The following FBXO44 variants were observed in gnomAD, a reference collection of about 807,000 sequenced individuals.
FBXO44 encodes F-box only protein 44.
A neutral mutation model predicts 33.5 loss-of-function variants in FBXO44; 25 were observed. The ratio of observed to expected loss-of-function variants is 0.75; its 90% CI spans 0.54 to 1.04. FBXO44 has a LOEUF of 1.04. FBXO44 is among the 50% of genes least tolerant of loss of function. FBXO44 has a pLI of 0.00. For synonymous variants in FBXO44, 147 were observed against 152.8 expected (o/e 0.96, Z 0.28); for missense variants, 311 against 344.0 (o/e 0.90, Z 0.76).
At chr1:11,660,806 G>A (rs762108337) in intron 5 of FBXO44, among the ~76,000 whole-genome samples, 2 of 151,960 alleles carry the variant, frequency 1.3e-5, no homozygotes, top group African/African-American at 2.4e-5. Context: ...GTTTTTTAGA[G>A]ACACGGTCTC....
intron 2 of FBXO44, 66 bp downstream of exon 2, chr1:11,656,166 G>C: frequency 1.3e-6 from 2 of 1,578,494 alleles, no homozygotes; most frequent in South Asian, 1.2e-5. Context: ...CATGTATTGA[G>C]CACTTAGTAT....
At position 11,661,263 on chromosome 1, in the gene FBXO44, C is replaced by T. The variant is rs146135478; in HGVS notation, c.758C>T (p.Pro253Leu). ...AACAGCAGCATCACCATCGGGCCCC[C>T]GCTGCCCTGACACCCCCTGAGCCCC... ...VTNSSITIGP[P>L]LP Residue 253 changes from proline (P) to leucine (L), a missense_variant, in exon 6 of 6, where the codon CCG (proline) becomes CTG (leucine). Physicochemically the swap from Pro to Leu is moderately conservative, Grantham distance 98. Coordinates refer to ENST00000251547, the MANE Select transcript of FBXO44 (RefSeq NM_033182.7). This position sits in a 1 kb window ranked among gnomAD's most constrained non-coding sequence, Gnocchi z 4.4. The T allele has an allele frequency of 4.5e-5, 73 of 1,614,118 alleles. No individual in the cohort carries two copies. In the African/African-American group the frequency reaches 8.0e-4, roughly 18 times the overall value.
At chr1:11,656,339 G>A (rs558270182) in intron 2 of FBXO44, among the ~76,000 whole-genome samples, 50 of 137,546 alleles carry the variant, frequency 3.6e-4, no homozygotes, top group African/African-American at 1.1e-3. Flanking sequence ...TTTTTGAGAC[G>A]GAGTTTCACT....
At chr1:11,658,082 C>T (rs1294244771) in intron 2 of FBXO44, among the ~76,000 whole-genome samples, 185 bp from the exon 3 acceptor site, 1 of 152,182 alleles carries the variant, frequency 6.6e-6, no homozygotes, top group Non-Finnish European at 1.5e-5. Context: ...GGGAAGTCAC[C>T]TCCCTGTGCC....
At position 11,656,014 on chromosome 1, in the gene FBXO44, A is replaced by T. The variant is rs1639761959; in HGVS notation, c.179A>T (p.Asp60Val). The T allele has an allele frequency of 6.2e-7, 1 of 1,614,174 alleles. No homozygotes were observed. The highest frequency in any genetic ancestry group is 8.5e-7 in the Non-Finnish European group (1 of 1,180,032). Residue 60 changes from aspartate (D) to valine (V), a missense_variant, in exon 2 of 6, where the codon GAC becomes GTC. Physicochemically the swap from Asp to Val is radical, Grantham distance 152. Transcript: ENST00000251547. ...KCLREGFITE[D>V]WDQPVADWKI... ...CTGCGAGAGGGCTTCATCACTGAGG[A>T]CTGGGACCAGCCCGTGGCCGACTGG...
chr1:11,657,561 G>A (rs148232721), intron 2 of FBXO44, among the ~76,000 whole-genome samples: 3,929 of 151,684 alleles, frequency 0.026, 169 homozygotes, highest in African/African-American at 0.089. Context: ...CCAACATGGC[G>A]AAACACCATC....
At chr1:11,656,649 G>A (rs1179643806) in intron 2 of FBXO44, among the ~76,000 whole-genome samples, 1 of 152,064 alleles carries the variant, frequency 6.6e-6, no homozygotes, top group Non-Finnish European at 1.5e-5. Context: ...TTTTAATAGA[G>A]ACACAGTTTC....
intron 5 of FBXO44, among the ~76,000 whole-genome samples, chr1:11,659,395 A>G (rs1165554467): frequency 6.6e-6 from 1 of 152,202 alleles, no homozygotes; most frequent in Non-Finnish European, 1.5e-5. Flanking sequence ...AAAAGAAAAG[A>G]AAAGAAAAAA....
At chr1:11,654,836 G>GGGGCGCA (rs1475816781), upstream of FBXO44, 1 of 148,132 alleles carries the variant, frequency 6.8e-6, no homozygotes, top group African/African-American at 2.5e-5. Context: ...GGCGGGGCGC[G>GGGGCGCA]GGGCGCGGGG....
At chr1:11,655,587 G>T (rs1002378695) in intron 1 of FBXO44, 10 of 555,670 alleles carry the variant, frequency 1.8e-5, no homozygotes, top group Non-Finnish European at 3.2e-5. Flanking sequence ...TTGACCTTGG[G>T]CAGTGCCTTC....
chr1:11,657,905 A>G (rs1480261355), intron 2 of FBXO44, among the ~76,000 whole-genome samples: 2 of 152,200 alleles, frequency 1.3e-5, no homozygotes, highest in African/African-American at 4.8e-5. Flanking sequence ...TCCAGTTTAC[A>G]GAGGAGACGA....
At chr1:11,654,451 C>T (rs1639627232), upstream of FBXO44, 3 of 1,155,782 alleles carry the variant, frequency 2.6e-6, no homozygotes, top group Non-Finnish European at 3.3e-6. Flanking sequence ...GGCGACCGCG[C>T]CTCTTAAAGG....
At chr1:11,654,833 C>CGCGGGGA (rs1256958701), upstream of FBXO44, 9 of 146,442 alleles carry the variant, frequency 6.1e-5, no homozygotes, top group Non-Finnish European at 1.4e-4. Flanking sequence ...CGGGGCGGGG[C>CGCGGGGA]GCGGGGCGCG....
chr1:11,658,201 G>C, intron 2 of FBXO44, 66 bp from the exon 3 acceptor site: 1 of 1,604,758 alleles, frequency 6.2e-7, no homozygotes, highest in East Asian at 2.2e-5. Flanking sequence ...TGGGGAGGAA[G>C]GGGCATTTGG....
Position 11,662,826 on chromosome 1 carries a change from C to A in FBXO44, c.*1553C>A, listed in dbSNP as rs1351893657. 6.6e-6 allele frequency: 1 copy of A among 152,220 alleles called. No individual in the cohort carries two copies. Among genetic ancestry groups the A allele is most frequent in the Non-Finnish European group, 1.5e-5 (1 of 68,066 alleles). The allele number at this position is 152,220 out of a possible 1,614,324, so 9.4% of individuals were successfully genotyped here. A position where few individuals can be genotyped will look rare whatever the true frequency, so the allele number is the denominator to read the frequency against. The stretch of plus-strand genomic sequence containing the variant: ...CTGTTCTCATGATAGTGAGTGAGTT[C>A]TCACGAGATCTGATGGTTTTACAAG... On this transcript the variant is annotated 3_prime_UTR_variant, in exon 6 of 6. Transcript: ENST00000251547.
chr1:11,660,876 C>T (rs1640136586), intron 5 of FBXO44, among the ~76,000 whole-genome samples: 1 of 152,140 alleles, frequency 6.6e-6, no homozygotes, highest in Non-Finnish European at 1.5e-5. Context: ...GTCTTGAACT[C>T]CTACTTTAGC....
chr1:11,656,619 G>C (rs973309947), intron 2 of FBXO44, among the ~76,000 whole-genome samples: 2 of 151,664 alleles, frequency 1.3e-5, no homozygotes, highest in Admixed American at 1.3e-4. Flanking sequence ...CCGCCACCAC[G>C]CCCAGCTAAT....
chr1:11,657,590 C>T (rs1201211862), intron 2 of FBXO44, among the ~76,000 whole-genome samples: 2 of 151,984 alleles, frequency 1.3e-5, no homozygotes, highest in East Asian at 3.9e-4. Context: ...AAAATACAAA[C>T]ATTAACCAGG....
rs1639970844 is a variant in FBXO44 at position 11,658,596 on chromosome 1, TAC to T, written c.457_458del (p.Thr153HisfsTer114). 1 of 1,613,190 alleles carries T rather than the reference TAC, an allele frequency of 6.2e-7. No homozygotes were observed. The highest frequency in any genetic ancestry group is 2.2e-5 in the East Asian group (1 of 44,798). ...AAGGGTATTGGGAGGAGCTGATGGA[TAC>T]CACACGGCCGGACATCGAGGTCAAG... ...AEGYWEELMDTTRPDIEVKDW... is the reference protein window; with the variant it reads ...AEGYWEELMDXTRPDIEVKDW... On this transcript the variant is annotated frameshift_variant, in exon 4 of 6. Transcript: ENST00000251547. LOFTEE classifies it high-confidence loss of function.
Sources: allele counts gnomAD v4.1 joint callset (sites outside exome capture counted in the v4.1 genomes callset), GRCh38; gene constraint gnomAD v4.1.1; non-coding constraint Gnocchi (gnomAD v3.1); transcripts MANE v1.5; gene names NCBI Gene and HGNC (gene_info 2026-07-23, HGNC 2026-07-21).